The following TMF1 variants were observed in gnomAD, a reference collection of about 807,000 sequenced individuals.
TMF1 encodes TATA element modulatory factor 1, also known as TATA element modulatory factor.
In TMF1, 71 loss-of-function variants were observed where a neutral mutation model predicts 126.5. The ratio of observed to expected loss-of-function variants is 0.56; its 90% CI spans 0.46 to 0.68. The LOEUF (loss-of-function observed/expected upper bound fraction) is 0.68. TMF1 is among the 30% of genes least tolerant of loss of function. The pLI is 0.00. For synonymous variants in TMF1, 461 were observed against 430.5 expected (o/e 1.07, Z -0.88); for missense variants, 1,259 against 1,253.2 (o/e 1.00, Z -0.07).
intron 15 of TMF1, 52 bp from the exon 16 acceptor site, chr3:69,024,232 A>C: frequency 7.0e-7 from 1 of 1,436,078 alleles, no homozygotes; most frequent in Non-Finnish European, 9.3e-7. Flanking sequence ...CTTTTTTAAT[A>C]CTCCCAGTAA....
At position 69,029,765 on chromosome 3, in the gene TMF1, T is replaced by C. The variant is rs780405293; in HGVS notation, c.2594+50A>G. ...CCAACAACATACTTTTAAAAAGTGC[T>C]TTAGGATGTCACGGAACTACCAAAA... On this transcript the variant is annotated intron_variant, in intron 11 of 16. Transcript: ENST00000398559. The C allele has an allele frequency of 2.6e-6, 4 of 1,526,410 alleles. No individual in the cohort carries two copies. In the East Asian group the frequency reaches 6.8e-5, roughly 26 times the overall value. 94.6% of individuals were successfully genotyped at this position (1,526,410 alleles called of 1,614,324 possible). A position where few individuals can be genotyped will look rare whatever the true frequency, so the allele number is the denominator to read the frequency against.
intron 1 of TMF1, among the ~76,000 whole-genome samples, chr3:69,051,272 T>C: frequency 6.6e-6 from 1 of 151,814 alleles, no homozygotes; most frequent in East Asian, 1.9e-4. Context: ...AAGTCAGGAG[T>C]TCCACCAGCC....
intron 1 of TMF1, among the ~76,000 whole-genome samples, chr3:69,051,055 C>CG (rs2091925132): frequency 6.6e-6 from 1 of 152,188 alleles, no homozygotes; most frequent in Non-Finnish European, 1.5e-5. Flanking sequence ...CTAATACCTC[C>CG]GGCACATTCT....
intron 8 of TMF1, among the ~76,000 whole-genome samples, chr3:69,037,972 G>C (rs1022896312): frequency 4.6e-5 from 7 of 152,156 alleles, no homozygotes; most frequent in Non-Finnish European, 8.8e-5. Context: ...GTAAAGTAAT[G>C]CAGCCACTGT....
intron 10 of TMF1, among the ~76,000 whole-genome samples, chr3:69,031,012 G>T (rs1159009681): frequency 6.6e-6 from 1 of 152,194 alleles, no homozygotes; most frequent in African/African-American, 2.4e-5. Context: ...CCCTTGTGCA[G>T]TGAATGGTTA....
At chr3:69,050,243 G>C (rs2091919049) in intron 1 of TMF1, among the ~76,000 whole-genome samples, 1 of 148,538 alleles carries the variant, frequency 6.7e-6, no homozygotes, top group South Asian at 2.1e-4. Flanking sequence ...CTGGATGACA[G>C]AGTGAGACTG....
chr3:69,038,923 A>T lies in TMF1; in HGVS notation c.1914T>A (p.Asp638Glu), dbSNP rs757496089. ...LNSMVERQEK[D>E]LGRLQVDMDE... The stretch of plus-strand genomic sequence containing the variant: ...CCATGTCTACCTGAAGACGGCCAAG[A>T]TCTTTCTCTTGGCGTTCTACCATGG... The change falls in exon 7 of 17, where the codon GAT (aspartate) becomes GAA (glutamate). Residue 638 changes from aspartate (D) to glutamate (E), a missense_variant. Transcript: ENST00000398559. 1 of 1,612,368 alleles carries T rather than the reference A, an allele frequency of 6.2e-7. No homozygotes were observed. The highest frequency in any genetic ancestry group is 1.7e-5 in the Admixed American group (1 of 59,640).
At chr3:69,046,717 C>A (rs900356095) in intron 2 of TMF1, among the ~76,000 whole-genome samples, 7 of 152,140 alleles carry the variant, frequency 4.6e-5, no homozygotes, top group Non-Finnish European at 1.0e-4. Flanking sequence ...AGCAATCTGT[C>A]CCTCCTAAGC....
In TMF1 at chr3:69,038,883, T is replaced by C. The variant is rs755360040; in HGVS notation, c.1954A>G (p.Lys652Glu). ...AGGGCAGCCTGAATACTTCGGTTCTTTTCTTCAAGTTCATCCATGTCTACC... is the reference window on the plus strand; with the variant it reads ...AGGGCAGCCTGAATACTTCGGTTCTCTTCTTCAAGTTCATCCATGTCTACC... ...LQVDMDELEE[K>E]NRSIQAALDS... Residue 652 changes from lysine to glutamate, a missense_variant, in exon 7 of 17, where the codon AAG (lysine) becomes GAG (glutamate). Lys to Glu is a moderately conservative substitution (Grantham distance 56). Coordinates refer to ENST00000398559, the MANE Select transcript of TMF1 (RefSeq NM_007114.3). 1.2e-6 allele frequency: 2 copies of C among 1,611,290 alleles called. No individual in the cohort carries two copies. The highest frequency in any genetic ancestry group is 2.2e-5 in the South Asian group (2 of 90,406).
chr3:69,025,425 T>TA (rs1331926510), intron 15 of TMF1, 135 bp downstream of exon 15: 21 of 754,240 alleles, frequency 2.8e-5, no homozygotes, highest in Non-Finnish European at 8.6e-6. Flanking sequence ...ATATATGTGA[T>TA]ACATTTTGGG....
chr3:69,035,447 C>CCT, intron 8 of TMF1: 1 of 200,090 alleles, frequency 5.0e-6, no homozygotes, highest in Non-Finnish European at 1.0e-5. Flanking sequence ...AGGTGCTATA[C>CCT]GGATTATAAA....
intron 10 of TMF1, among the ~76,000 whole-genome samples, chr3:69,032,565 A>C (rs935286800): frequency 6.6e-6 from 1 of 151,642 alleles, no homozygotes; most frequent in Admixed American, 6.6e-5. Context: ...TATTAACATC[A>C]CAGAAGGGCA....
Position 69,027,985 on chromosome 3 carries a change from A to C in TMF1, c.2672T>G (p.Leu891Trp), listed in dbSNP as rs2091779408. Reference sequence around the variant, plus strand: ...TCTTTCCATTTCTAACTGACTATTCAACAATGTCTAATAGAGAGAAATAAA... The same window carrying C: ...TCTTTCCATTTCTAACTGACTATTCCACAATGTCTAATAGAGAGAAATAAA... ...LEETRKEKTLLNSQLEMERMK... is the reference protein window; with the variant it reads ...LEETRKEKTLWNSQLEMERMK... The change falls in exon 13 of 17, where the codon TTG becomes TGG. Residue 891 changes from leucine (L) to tryptophan (W), a missense_variant. By Grantham distance (61) the Leu-to-Trp change is moderately conservative. Transcript: ENST00000398559. 1 of 1,551,496 alleles carries C rather than the reference A, an allele frequency of 6.4e-7. No homozygotes were observed. The highest frequency in any genetic ancestry group is 1.7e-5 in the Admixed American group (1 of 58,490).
At chr3:69,049,081 G>A (rs1240467664) in intron 1 of TMF1, 1 of 153,892 alleles carries the variant, frequency 6.5e-6, no homozygotes, top group Middle Eastern at 1.1e-3. Flanking sequence ...GCTAGACAAA[G>A]GGCAACACTC....
At chr3:69,042,692 G>T in intron 5 of TMF1, 115 bp downstream of exon 5, 1 of 844,818 alleles carries the variant, frequency 1.2e-6, no homozygotes, top group Non-Finnish European at 2.0e-6. Flanking sequence ...TATGGTTTAC[G>T]TCCAAACCCT....
intron 1 of TMF1, among the ~76,000 whole-genome samples, chr3:69,051,586 A>C (rs998286769): frequency 6.6e-6 from 1 of 152,168 alleles, no homozygotes; most frequent in African/African-American, 2.4e-5. Flanking sequence ...TTGGATCCCA[A>C]CAGTGCCCGA....
At chr3:69,038,791 C>T (rs2091847081) in intron 7 of TMF1, 52 bp downstream of exon 7, 14 of 1,588,516 alleles carry the variant, frequency 8.8e-6, no homozygotes, top group African/African-American at 1.4e-5. Context: ...TCTTCAACAT[C>T]CTACTCTGAT....
At position 69,030,010 on chromosome 3, in the gene TMF1, G is replaced by T. The variant is rs757459410; in HGVS notation, c.2402-3C>A. 6.2e-7 allele frequency: 1 copy of T among 1,608,028 alleles called. No homozygotes were observed. Among genetic ancestry groups the T allele is most frequent in the South Asian group, 1.1e-5 (1 of 90,346 alleles). The stretch of plus-strand genomic sequence containing the variant: ...TGCCAGCAAGGTCTGGGATTCACCT[G>T]ATTACAGGACAGAAAAAAAAATCAC... On this transcript the variant is annotated splice_polypyrimidine_tract_variant and splice_region_variant and intron_variant, in intron 10 of 16. Coordinates refer to ENST00000398559, the MANE Select transcript of TMF1 (RefSeq NM_007114.3).
In TMF1 at chr3:69,022,556, A is replaced by C. The variant is rs1389701339; in HGVS notation, c.*621T>G. On this transcript the variant is annotated 3_prime_UTR_variant, in exon 17 of 17. Transcript: ENST00000398559. ...TTAATTGTGAAAGCTGGGTGAAATA[A>C]ATTTTCAGATCAAAATTTTTTTTAA... The C allele has an allele frequency of 2.0e-5, 3 of 152,562 alleles. No individual in the cohort carries two copies. Among genetic ancestry groups the C allele is most frequent in the African/African-American group, 7.2e-5 (3 of 41,462 alleles). 9.5% of individuals were successfully genotyped at this position (152,562 alleles called of 1,614,324 possible).
Sources: gnomAD v4.1 joint callset for allele counts (sites outside exome capture counted in the v4.1 genomes callset) on GRCh38, gnomAD v4.1.1 for gene constraint, MANE v1.5 for transcripts, NCBI Gene and HGNC (gene_info 2026-07-23, HGNC 2026-07-21) for gene names.